The following DOCK3 variants were observed in gnomAD, a reference collection of about 807,000 sequenced individuals.
DOCK3 encodes dedicator of cytokinesis protein 3.
In DOCK3, 60 loss-of-function variants were observed where a neutral mutation model predicts 265.6. The observed-to-expected ratio is 0.23, with a 90% confidence interval of 0.18 to 0.28. The LOEUF (loss-of-function observed/expected upper bound fraction) is 0.28, where lower values mean the gene tolerates loss of function less well. DOCK3 is among the 10% of genes least tolerant of loss of function. DOCK3 has a pLI of 1.00. For missense variants in DOCK3, 1,981 were observed against 2,594.3 expected (o/e 0.76, Z 5.14); for synonymous variants, 881 against 938.0 (o/e 0.94, Z 1.11).
At chr3:51,323,001 A>C (rs2083843331) in intron 32 of DOCK3, among the ~76,000 whole-genome samples, 2 of 152,204 alleles carry the variant, frequency 1.3e-5, no homozygotes, top group African/African-American at 2.4e-5. Flanking sequence ...TTGCAATCCT[A>C]GTATCTGATA....
At chr3:51,271,098 G>A (rs2080469008) in intron 24 of DOCK3, 91 bp downstream of exon 24, 1 of 1,395,094 alleles carries the variant, frequency 7.2e-7, no homozygotes, top group Admixed American at 2.3e-5. Flanking sequence ...CAAAGGATCA[G>A]TTTCCTCAAC....
chr3:50,855,363 GGTATTGTATTGTATTATGTTGTGTT>G (rs901604596), intron 3 of DOCK3, among the ~76,000 whole-genome samples: 1 of 149,902 alleles, frequency 6.7e-6, no homozygotes, highest in African/African-American at 2.5e-5. Context: ...TGTATTCCTA[GGTATTGTATTGTATTATGTTGTGTT>G]GTGTTGTGTT....
intron 4 of DOCK3, among the ~76,000 whole-genome samples, chr3:50,908,218 A>G (rs182003291): frequency 0.019 from 2,089 of 112,574 alleles, 17 homozygotes; most frequent in Non-Finnish European, 0.029. Flanking sequence ...TTTCATCTCA[A>G]TTTATTTCAC....
chr3:51,108,081 C>T (rs1419786677), intron 9 of DOCK3, among the ~76,000 whole-genome samples: 1 of 150,946 alleles, frequency 6.6e-6, no homozygotes, highest in East Asian at 1.9e-4. Flanking sequence ...CTGTGTTGTC[C>T]AGGCTGGAGT....
At chr3:51,167,090 G>A (rs911381698) in intron 12 of DOCK3, among the ~76,000 whole-genome samples, 1 of 152,198 alleles carries the variant, frequency 6.6e-6, no homozygotes, top group South Asian at 2.1e-4. Context: ...TACAGTTTTA[G>A]GTCTTATATT....
chr3:50,684,937 A>G (rs1404766304), intron 1 of DOCK3, among the ~76,000 whole-genome samples: 1 of 152,076 alleles, frequency 6.6e-6, no homozygotes, highest in Non-Finnish European at 1.5e-5. Context: ...AGTAAATACA[A>G]AAAAAATACA....
intron 12 of DOCK3, among the ~76,000 whole-genome samples, chr3:51,164,683 T>C (rs182777335): frequency 2.6e-5 from 4 of 151,816 alleles, no homozygotes; most frequent in Non-Finnish European, 4.4e-5. Flanking sequence ...AAAGGCTTTT[T>C]GAGGCCAGAA....
rs562130507 is a variant in DOCK3, at chr3:50,953,796, G to A, written c.315+19719G>A. 4.6e-5 allele frequency among the ~76,000 whole-genome samples: 7 copies of A among 152,192 alleles called. No homozygotes were observed. The South Asian group carries it at 1.2e-3, about 27-fold the overall frequency. ...ATTTGGATGTGAGAGGCAACAAATT[G>A]GTAACTAGCACAGTTCATTCTTTTC... On this transcript the variant is annotated intron_variant, in intron 5 of 52. Transcript: ENST00000266037.
chr3:50,869,386 T>C (rs1220634897), intron 3 of DOCK3, among the ~76,000 whole-genome samples: 1 of 87,778 alleles, frequency 1.1e-5, no homozygotes, highest in Non-Finnish European at 2.0e-5. Flanking sequence ...TTTTTTTTTT[T>C]TTTTGGAGAT....
chr3:51,061,041 T>G (rs1207566905), intron 5 of DOCK3, among the ~76,000 whole-genome samples: 4 of 152,118 alleles, frequency 2.6e-5, no homozygotes, highest in African/African-American at 9.7e-5. Context: ...AGAATGGCGA[T>G]CATTAAAAAG....
At chr3:51,066,284 G>A (rs755537837) in intron 6 of DOCK3, among the ~76,000 whole-genome samples, 32 of 152,074 alleles carry the variant, frequency 2.1e-4, no homozygotes, top group Non-Finnish European at 2.9e-4. Flanking sequence ...GATTGAAAGC[G>A]TCCCACTAAA....
chr3:51,330,518 C>A (rs2084444227), intron 33 of DOCK3, among the ~76,000 whole-genome samples: 1 of 152,138 alleles, frequency 6.6e-6, no homozygotes, highest in Admixed American at 6.6e-5. Context: ...GGATGGGGGG[C>A]AGACGGTTCA....
chr3:51,065,408 G>A (rs4586853), intron 6 of DOCK3, among the ~76,000 whole-genome samples: 127,867 of 152,138 alleles, frequency 0.84, 54,183 homozygotes, highest in East Asian at 0.95. Flanking sequence ...TCTGGAAGCC[G>A]GAAAGTAGAT....
At chr3:51,215,167 G>T (rs1360674286) in intron 14 of DOCK3, among the ~76,000 whole-genome samples, 1 of 152,112 alleles carries the variant, frequency 6.6e-6, no homozygotes, top group Non-Finnish European at 1.5e-5. Flanking sequence ...GAGTGCAGTG[G>T]TGCCATCTTG....
intron 49 of DOCK3, among the ~76,000 whole-genome samples, chr3:51,373,268 GC>G (rs756744526): frequency 2.0e-5 from 3 of 152,192 alleles, no homozygotes; most frequent in Non-Finnish European, 4.4e-5. Flanking sequence ...GAGACACAGA[GC>G]CTCTAGGAGC....
intron 5 of DOCK3, among the ~76,000 whole-genome samples, chr3:50,951,542 G>A (rs182027696): frequency 5.9e-5 from 9 of 152,244 alleles, no homozygotes; most frequent in South Asian, 2.1e-4. Context: ...TTACAGGCAA[G>A]CATTTGGTCC....
chr3:51,312,355 A>G (rs1057435136), intron 29 of DOCK3, 121 bp from the exon 30 acceptor site: 4 of 972,780 alleles, frequency 4.1e-6, no homozygotes, highest in East Asian at 2.6e-5. Flanking sequence ...TTTAAAAGGG[A>G]AAAAAAATGA....
chr3:51,238,352 C>A (rs939574195), intron 21 of DOCK3, among the ~76,000 whole-genome samples: 7 of 151,860 alleles, frequency 4.6e-5, no homozygotes, highest in Non-Finnish European at 7.4e-5. Context: ...CCATGTTAGC[C>A]AGGATGGTCT....
intron 1 of DOCK3, among the ~76,000 whole-genome samples, chr3:50,758,906 T>G (rs2040359360): frequency 6.6e-6 from 1 of 152,226 alleles, no homozygotes; most frequent in African/African-American, 2.4e-5. Context: ...CTTAGTGTAG[T>G]ACTTTCAAGG....
Sources: allele counts gnomAD v4.1 joint callset (sites outside exome capture counted in the v4.1 genomes callset), GRCh38; gene constraint gnomAD v4.1.1; transcripts MANE v1.5; gene names NCBI Gene and HGNC (gene_info 2026-07-23, HGNC 2026-07-21).